SLC25A37: variants seen among roughly 807,000 people sequenced by gnomAD.
SLC25A37 encodes mitoferrin-1.
SLC25A37 carries 17 observed loss-of-function variants against 31.0 expected under a neutral mutation model. The ratio of observed to expected loss-of-function variants is 0.55; its 90% CI spans 0.38 to 0.82. SLC25A37 has a LOEUF of 0.82. Ranked by LOEUF, SLC25A37 falls within the 40% of genes least tolerant of loss-of-function variation. The pLI, the probability that SLC25A37 is intolerant of heterozygous loss-of-function variation, is 0.00. For missense variants in SLC25A37, 404 were observed against 465.8 expected, an observed-to-expected ratio of 0.87 and a Z score of 1.22; for synonymous variants, 222 against 193.0, an observed-to-expected ratio of 1.15 and a Z score of -1.24.
intron 1 of SLC25A37, among the ~76,000 whole-genome samples, chr8:23,557,453 A>G (rs921780073): frequency 5.9e-5 from 9 of 152,214 alleles, no homozygotes; most frequent in Non-Finnish European, 1.2e-4. Context: ...TTAGGAAGAC[A>G]GTCCTTTCCA....
intron 1 of SLC25A37, among the ~76,000 whole-genome samples, chr8:23,544,388 C>T (rs1408347009): frequency 6.6e-6 from 1 of 152,164 alleles, no homozygotes; most frequent in Non-Finnish European, 1.5e-5. Flanking sequence ...TATCTCAGAA[C>T]ATATCCCCGT....
chr8:23,550,611 C>A (rs1802197542), intron 1 of SLC25A37, among the ~76,000 whole-genome samples: 1 of 152,160 alleles, frequency 6.6e-6, no homozygotes, highest in South Asian at 2.1e-4. Context: ...CCTGGCCTGT[C>A]CAGTGTGGAC....
At chr8:23,555,817 A>G (rs976395790) in intron 1 of SLC25A37, among the ~76,000 whole-genome samples, 1 of 152,232 alleles carries the variant, frequency 6.6e-6, no homozygotes, top group Admixed American at 6.5e-5. Flanking sequence ...TCTCACACAT[A>G]TGAATCCACT....
chr8:23,571,610 T>C lies in SLC25A37; in HGVS notation c.772T>C (p.Cys258Arg). Residue 258 changes from cysteine (C) to arginine (R), a missense_variant, in exon 4 of 4, where the codon TGT becomes CGT. Physicochemically the swap from Cys to Arg is radical, Grantham distance 180. This residue lies in a region of SLC25A37 where 243 missense variants were observed against 284.4 expected (regional missense o/e 0.85). Transcript: ENST00000519973. ...AAAATTPLDV[C>R]KTLLNTQENV... The stretch of plus-strand genomic sequence containing the variant: ...GGCCGCCACGACCCCCCTGGACGTC[T>C]GTAAGACCCTTCTGAACACTCAGGA... 1.2e-6 allele frequency: 2 copies of C among 1,613,880 alleles called. No individual in the cohort carries two copies. The highest frequency in any genetic ancestry group is 1.7e-6 in the Non-Finnish European group (2 of 1,179,860).
rs920898397 is a variant in SLC25A37 at position 23,572,457 on chromosome 8, A to T, written c.*602A>T. The T allele has an allele frequency of 6.6e-6, 1 of 152,588 alleles. No individual in the cohort carries two copies. The highest frequency in any genetic ancestry group is 1.5e-5 in the Non-Finnish European group (1 of 68,050). The allele number at this position is 152,588 out of a possible 1,614,324, so 9.5% of individuals were successfully genotyped here. ...ATCAGGTGAACGAAAAAGGCAACAA[A>T]GTAATAAATCAGTGAATGTGGCCGG... is the stretch of plus-strand genomic sequence containing the variant. On this transcript the variant is annotated 3_prime_UTR_variant, in exon 4 of 4. Transcript: ENST00000519973.
intron 1 of SLC25A37, among the ~76,000 whole-genome samples, chr8:23,552,314 A>G (rs1802248955): frequency 6.6e-6 from 1 of 152,206 alleles, no homozygotes; most frequent in Non-Finnish European, 1.5e-5. Flanking sequence ...TCATCTCAGG[A>G]AGCATGGTTA....
intron 1 of SLC25A37, among the ~76,000 whole-genome samples, chr8:23,552,089 C>G (rs1802242719): frequency 6.6e-6 from 1 of 152,230 alleles, no homozygotes; most frequent in Non-Finnish European, 1.5e-5. Context: ...GGCCATTTAT[C>G]AGCAAGTAGA....
intron 1 of SLC25A37, among the ~76,000 whole-genome samples, chr8:23,534,974 C>T (rs1330210058): frequency 6.6e-6 from 1 of 152,184 alleles, no homozygotes; most frequent in Non-Finnish European, 1.5e-5. Flanking sequence ...CCTCTTCGTC[C>T]CCACCCGACT....
chr8:23,549,823 T>A (rs1335238265), intron 1 of SLC25A37, among the ~76,000 whole-genome samples: 1 of 138,684 alleles, frequency 7.2e-6, no homozygotes, highest in East Asian at 2.5e-4. Flanking sequence ...TTGATGGGGC[T>A]TACATCCCCA....
rs1174140473 is a variant in SLC25A37, at chr8:23,569,125, G to A, written c.496+747G>A. Reference sequence around the variant, plus strand: ...TGAAAAATACAAAAATTAGCCAGGTGTGGTGGTGCATGCCTGTAGTCCCAG... The same window carrying A: ...TGAAAAATACAAAAATTAGCCAGGTATGGTGGTGCATGCCTGTAGTCCCAG... On this transcript the variant is annotated intron_variant, in intron 3 of 3. Transcript: ENST00000519973. 3.3e-5 allele frequency among the ~76,000 whole-genome samples: 5 copies of A among 152,178 alleles called. No homozygotes were observed. The East Asian group carries it at 5.8e-4, about 18-fold the overall frequency.
Position 23,572,337 on chromosome 8 carries a change from T to G in SLC25A37, c.*482T>G, listed in dbSNP as rs1802883333. The G allele has an allele frequency of 6.5e-6, 1 of 154,588 alleles. No homozygotes were observed. The highest frequency in any genetic ancestry group is 1.4e-5 in the Non-Finnish European group (1 of 69,446). The allele number at this position is 154,588 out of a possible 1,614,324, so 9.6% of individuals were successfully genotyped here. A position where few individuals can be genotyped will look rare whatever the true frequency, so the allele number is the denominator to read the frequency against. The stretch of plus-strand genomic sequence containing the variant: ...TTCTATGTAGAAGTTTTTGAATTTG[T>G]GTGTGTGCTTGTGCGTGTCTACACC... On this transcript the variant is annotated 3_prime_UTR_variant, in exon 4 of 4. Transcript: ENST00000519973.
intron 1 of SLC25A37, among the ~76,000 whole-genome samples, chr8:23,545,964 G>A (rs926989956): frequency 1.3e-5 from 2 of 152,058 alleles, no homozygotes; most frequent in East Asian, 1.9e-4. Flanking sequence ...GTGAAACCCC[G>A]TCTCAACTAA....
intron 1 of SLC25A37, among the ~76,000 whole-genome samples, chr8:23,552,805 G>GC (rs1352077695): frequency 1.3e-5 from 2 of 152,190 alleles, no homozygotes; most frequent in Non-Finnish European, 2.9e-5. Context: ...CAGTGGGGGA[G>GC]CCCGGGCAAG....
At chr8:23,542,420 G>A (rs1801919452) in intron 1 of SLC25A37, among the ~76,000 whole-genome samples, 1 of 120,108 alleles carries the variant, frequency 8.3e-6, no homozygotes, top group African/African-American at 3.4e-5. Flanking sequence ...CTCTTGTCCT[G>A]TAGGCTGGAG....
intron 1 of SLC25A37, among the ~76,000 whole-genome samples, chr8:23,538,407 C>CAAAAAAAAAAA (rs1491125942): frequency 1.2e-5 from 1 of 85,950 alleles, no homozygotes; most frequent in African/African-American, 4.0e-5. Flanking sequence ...AAAAAAAAAA[C>CAAAAAAAAAAA]CAGAAAAAAA....
chr8:23,543,737 G>C (rs1486428574), intron 1 of SLC25A37, among the ~76,000 whole-genome samples: 1 of 151,952 alleles, frequency 6.6e-6, no homozygotes, highest in Non-Finnish European at 1.5e-5. Context: ...GTTTCGCTGT[G>C]TTAGCCAGTA....
Position 23,529,850 on chromosome 8 carries a change from C to G in SLC25A37, c.210+638C>G, listed in dbSNP as rs1801629543. On this transcript the variant is annotated intron_variant, in intron 1 of 3. Coordinates refer to ENST00000519973, the MANE Select transcript of SLC25A37 (RefSeq NM_016612.4). This position sits in a 1 kb window ranked among gnomAD's most constrained non-coding sequence, Gnocchi z 4.1. Reference sequence around the variant, plus strand: ...CACTTCTTCCCCCGACTTTGGGTCGCCGAGCCGCCGGGAGGCAATGACGTT... The same window carrying G: ...CACTTCTTCCCCCGACTTTGGGTCGGCGAGCCGCCGGGAGGCAATGACGTT... Among the ~76,000 whole-genome samples, 1 of 152,086 alleles carries G rather than the reference C, an allele frequency of 6.6e-6. No individual in the cohort carries two copies. Among genetic ancestry groups the G allele is most frequent in the African/African-American group, 2.4e-5 (1 of 41,388 alleles).
intron 1 of SLC25A37, among the ~76,000 whole-genome samples, chr8:23,536,588 C>T (rs890924656): frequency 5.3e-5 from 8 of 152,186 alleles, no homozygotes; most frequent in African/African-American, 1.4e-4. Flanking sequence ...CCTGATGGCT[C>T]CCAGATCACT....
chr8:23,551,658 C>T (rs1802229119), intron 1 of SLC25A37, among the ~76,000 whole-genome samples: 2 of 151,854 alleles, frequency 1.3e-5, no homozygotes, highest in South Asian at 4.2e-4. Flanking sequence ...TCCTTGAATC[C>T]TCACAGAGAC....
Sources: gnomAD v4.1 joint callset for allele counts (sites outside exome capture counted in the v4.1 genomes callset) on GRCh38, gnomAD v4.1.1 for gene constraint, gnomAD v4.1.1 regional missense constraint, Gnocchi (gnomAD v3.1) non-coding constraint, MANE v1.5 for transcripts, NCBI Gene and HGNC (gene_info 2026-07-23, HGNC 2026-07-21) for gene names.